CRTC2: variants seen among roughly 807,000 people sequenced by gnomAD.
CRTC2 encodes CREB-regulated transcription coactivator 2.
CRTC2 carries 25 observed loss-of-function variants against 70.9 expected under a neutral mutation model. The ratio of observed to expected loss-of-function variants is 0.35; its 90% CI spans 0.26 to 0.49. CRTC2 has a LOEUF of 0.49. Among genes scored for constraint, CRTC2 ranks in the 20% least tolerant of loss-of-function variants. CRTC2 has a pLI of 0.98. For missense variants in CRTC2, 737 were observed against 882.6 expected, an observed-to-expected ratio of 0.83 and a Z score of 2.09; for synonymous variants, 330 against 364.1, an observed-to-expected ratio of 0.91 and a Z score of 1.07.
Position 153,952,041 on chromosome 1 carries a change from A to G in CRTC2, c.974T>C (p.Leu325Pro). 1 of 1,613,882 alleles carries G rather than the reference A, an allele frequency of 6.2e-7. No homozygotes were observed. Residue 325 changes from leucine to proline, a missense_variant, in exon 10 of 14, where the codon CTG becomes CCG. By Grantham distance (98) the Leu-to-Pro change is moderately conservative. Transcript: ENST00000368633. ...ACCTGGTGCATCATAGCCTGGGCCCAGGCCCATGCCCCTGCTGATGCCCAG... is the reference window on the plus strand; with the variant it reads ...ACCTGGTGCATCATAGCCTGGGCCCGGGCCCATGCCCCTGCTGATGCCCAG... ...THLGISRGMG[L>P]GPGYDAPGLH...
chr1:153,948,141 C>T lies in CRTC2; in HGVS notation c.2050G>A (p.Glu684Lys). The T allele has an allele frequency of 6.2e-7, 1 of 1,614,204 alleles. No individual in the cohort carries two copies. The highest frequency in any genetic ancestry group is 1.6e-4 in the Middle Eastern group (1 of 6,062). ...PCALLPDPAV[E>K]ESFRSDRLQ ...AGCCGGTCACTGCGGAATGACTCCT[C>T]CACAGCAGGATCAGGCAGCAGGGCA... Residue 684 changes from glutamate to lysine, a missense_variant, in exon 14 of 14, where the codon GAG becomes AAG. Transcript: ENST00000368633.
chr1:153,952,418 G>T lies in CRTC2; in HGVS notation c.731C>A (p.Ser244Tyr). Residue 244 changes from serine (S) to tyrosine (Y), a missense_variant, in exon 9 of 14, where the codon TCC (serine) becomes TAC (tyrosine). By Grantham distance (144) the Ser-to-Tyr change is moderately radical (BLOSUM62 -2). Transcript: ENST00000368633. ...KLSSSSSRPR[S>Y]CEVPGINIFP... is the part of the protein sequence containing the mutation. Reference sequence around the variant, plus strand: ...TTACTTAATTCCAGGGACTTCACAGGACCGAGGTCGGGAAGAGGATGAGGA... The same window carrying T: ...TTACTTAATTCCAGGGACTTCACAGTACCGAGGTCGGGAAGAGGATGAGGA... The T allele has an allele frequency of 6.2e-7, 1 of 1,614,212 alleles. No homozygotes were observed. The highest frequency in any genetic ancestry group is 1.1e-5 in the South Asian group (1 of 91,082).
chr1:153,956,655 T>C (rs1290781022), intron 1 of CRTC2, among the ~76,000 whole-genome samples: 1 of 152,154 alleles, frequency 6.6e-6, no homozygotes, highest in Non-Finnish European at 1.5e-5. Flanking sequence ...AGTATCTCAG[T>C]GGTATAGCCT....
intron 12 of CRTC2, 123 bp downstream of exon 12, chr1:153,948,992 A>T (rs1680176394): frequency 9.3e-7 from 1 of 1,072,130 alleles, no homozygotes; most frequent in African/African-American, 1.6e-5. Flanking sequence ...GGGAGAGGAG[A>T]TCTCCCCACC....
chr1:153,951,951 C>A, intron 10 of CRTC2, 67 bp downstream of exon 10: 1 of 1,561,878 alleles, frequency 6.4e-7, no homozygotes, highest in South Asian at 1.2e-5. Context: ...GGTGCTCAAA[C>A]CTACCTCCCC....
chr1:153,948,071 G>T lies in CRTC2; in HGVS notation c.*38C>A, dbSNP rs766147538. The stretch of plus-strand genomic sequence containing the variant: ...GAAGGGAGGAAAGGAATGGTGGTGG[G>T]GGATGGGGCCAAGAAGAGGGATGGT... On this transcript the variant is annotated 3_prime_UTR_variant, in exon 14 of 14. Coordinates refer to ENST00000368633, the MANE Select transcript of CRTC2 (RefSeq NM_181715.3). 2 of 1,592,456 alleles carry T rather than the reference G, an allele frequency of 1.3e-6. No individual in the cohort carries two copies. The highest frequency in any genetic ancestry group is 8.6e-7 in the Non-Finnish European group (1 of 1,161,530).
chr1:153,950,695 G>T lies in CRTC2; in HGVS notation c.1404+565C>A, dbSNP rs548606229. ...ACTTGGAAAAGTCACTTTCCCTCTAGGTCCCACTTTCCTCATCTATTAAGT... is the reference window on the plus strand; with the variant it reads ...ACTTGGAAAAGTCACTTTCCCTCTATGTCCCACTTTCCTCATCTATTAAGT... On this transcript the variant is annotated intron_variant, in intron 11 of 13. Coordinates refer to ENST00000368633, the MANE Select transcript of CRTC2 (RefSeq NM_181715.3). Among the ~76,000 whole-genome samples, 30 of 152,254 alleles carry T rather than the reference G, an allele frequency of 2.0e-4. No individual in the cohort carries two copies. In the South Asian group the frequency reaches 6.2e-3, roughly 32 times the overall value.
Position 153,954,439 on chromosome 1 carries a change from A to G in CRTC2, c.373-123T>C, listed in dbSNP as rs938021213. 1.1e-5 allele frequency: 8 copies of G among 723,174 alleles called. No homozygotes were observed. The African/African-American group carries it at 1.2e-4, about 11-fold the overall frequency. The allele number at this position is 723,174 out of a possible 1,614,324, so 44.8% of individuals were successfully genotyped here. On this transcript the variant is annotated intron_variant, in intron 3 of 13. Coordinates refer to ENST00000368633, the MANE Select transcript of CRTC2 (RefSeq NM_181715.3). ...ACTCATACCTTTCTCCTCTTCTATA[A>G]GGGACAACAATAGGATCAAAGAATG...
At chr1:153,958,068 C>G in intron 1 of CRTC2, 1 of 1,343,736 alleles carries the variant, frequency 7.4e-7, no homozygotes, top group Non-Finnish European at 9.6e-7. Flanking sequence ...CACCTCCTAC[C>G]TCCGCCGGAC....
chr1:153,955,245 AC>A, intron 1 of CRTC2, 79 bp from the exon 2 acceptor site: 1 of 1,064,924 alleles, frequency 9.4e-7, no homozygotes, highest in Non-Finnish European at 1.4e-6. Context: ...CATCTCTGTC[AC>A]CAGGATATGC....
chr1:153,948,417 C>T, intron 13 of CRTC2, 41 bp downstream of exon 13: 1 of 1,608,952 alleles, frequency 6.2e-7, no homozygotes, highest in Non-Finnish European at 8.5e-7. Flanking sequence ...GAATGTGTCA[C>T]TTCCTCCTTC....
intron 7 of CRTC2, 46 bp downstream of exon 7, chr1:153,952,759 A>C (rs1394290754): frequency 1.9e-6 from 3 of 1,613,862 alleles, no homozygotes; most frequent in East Asian, 4.5e-5. Context: ...ACACCAGCCC[A>C]GAAATTCTTT....
intron 1 of CRTC2, among the ~76,000 whole-genome samples, chr1:153,956,370 G>A (rs988087674): frequency 9.9e-5 from 15 of 152,208 alleles, no homozygotes; most frequent in African/African-American, 3.6e-4. Flanking sequence ...CCTGGCATGG[G>A]TTTAGCCTGT....
Position 153,952,225 on chromosome 1 carries a change from C to G in CRTC2, c.790G>C (p.Val264Leu). 1 of 1,611,130 alleles carries G rather than the reference C, an allele frequency of 6.2e-7. No individual in the cohort carries two copies. The highest frequency in any genetic ancestry group is 8.5e-7 in the Non-Finnish European group (1 of 1,178,078). ...PSPDQPANVP[V>L]LPPAMNTGGS... ...CCCGTGTTCATGGCAGGTGGGAGGA[C>G]AGGCACATTGGCAGGCTGGTCAGGA... is the stretch of plus-strand genomic sequence containing the variant. Residue 264 changes from valine (V) to leucine (L), a missense_variant, in exon 10 of 14, where the codon GTC becomes CTC. By Grantham distance (32) the Val-to-Leu change is conservative. Around this residue, in one of 3 missense-constraint regions of CRTC2, gnomAD observed 699 missense variants for 823.7 expected, o/e 0.85. Coordinates refer to ENST00000368633, the MANE Select transcript of CRTC2 (RefSeq NM_181715.3).
intron 11 of CRTC2, 46 bp downstream of exon 11, chr1:153,951,213 AG>A: frequency 3.1e-6 from 5 of 1,594,372 alleles, no homozygotes; most frequent in Non-Finnish European, 4.3e-6. Context: ...ACATGGCAGG[AG>A]AAAAGGGAAG....
chr1:153,952,877 T>C (rs1464654293), intron 6 of CRTC2, 43 bp from the exon 7 acceptor site: 1 of 1,612,886 alleles, frequency 6.2e-7, no homozygotes, highest in East Asian at 2.2e-5. Flanking sequence ...CTCACTTGCC[T>C]ACCTGCTTTA....
intron 1 of CRTC2, among the ~76,000 whole-genome samples, chr1:153,956,610 T>A (rs1680627002): frequency 6.6e-6 from 1 of 152,066 alleles, no homozygotes; most frequent in African/African-American, 2.4e-5. Context: ...CTGGACCACT[T>A]GAAGACCACT....
intron 13 of CRTC2, 57 bp from the exon 14 acceptor site, chr1:153,948,386 C>A (rs1381464062): frequency 6.2e-7 from 1 of 1,612,862 alleles, no homozygotes; most frequent in Non-Finnish European, 8.5e-7. Flanking sequence ...TCCAAGACCC[C>A]TCAATCTCCT....
At chr1:153,954,189 G>A (rs1680500664) in intron 4 of CRTC2, 66 bp downstream of exon 4, 1 of 1,258,276 alleles carries the variant, frequency 7.9e-7, no homozygotes, top group South Asian at 1.2e-5. Context: ...CAACCCAGAA[G>A]GGGCAACTCC....
Sources: gnomAD v4.1 joint callset for allele counts (sites outside exome capture counted in the v4.1 genomes callset) on GRCh38, gnomAD v4.1.1 for gene constraint, gnomAD v4.1.1 regional missense constraint, MANE v1.5 for transcripts, NCBI Gene and HGNC (gene_info 2026-07-23, HGNC 2026-07-21) for gene names.